Variants in KCNQ1 observed in about 807,000 individuals in gnomAD.
KCNQ1 encodes potassium voltage-gated channel subfamily Q member 1.
In KCNQ1, 49 loss-of-function variants were observed where a neutral mutation model predicts 72.4. That is an observed-to-expected ratio of 0.68 (90% CI 0.54 to 0.86). The LOEUF (loss-of-function observed/expected upper bound fraction) is 0.86, where lower values mean the gene tolerates loss of function less well. Ranked by LOEUF, KCNQ1 falls within the 40% of genes least tolerant of loss-of-function variation. The pLI is 0.00. For synonymous variants in KCNQ1, 450 were observed against 412.6 expected, an observed-to-expected ratio of 1.09 and a Z score of -1.10; for missense variants, 790 against 945.1, an observed-to-expected ratio of 0.84 and a Z score of 2.15.
chr11:2,539,956 A>G (rs559222739), intron 2 of KCNQ1, among the ~76,000 whole-genome samples: 2 of 152,314 alleles, frequency 1.3e-5, no homozygotes, highest in East Asian at 3.9e-4. Context: ...CTTGAAGCGC[A>G]GGGCAGCAGC....
chr11:2,832,585 C>T (rs550062423), intron 15 of KCNQ1, among the ~76,000 whole-genome samples: 45 of 152,304 alleles, frequency 3.0e-4, no homozygotes, highest in African/African-American at 1.1e-3. Context: ...CCAGTGCAGG[C>T]AAAGCGCCAA....
chr11:2,765,269 A>T (rs1298037538), intron 11 of KCNQ1, among the ~76,000 whole-genome samples: 2 of 152,148 alleles, frequency 1.3e-5, no homozygotes, highest in African/African-American at 4.8e-5. Flanking sequence ...TGGGTTATTT[A>T]GATTGTTTAA....
Position 2,671,708 on chromosome 11 carries a change from G to A in KCNQ1, c.1514+9627G>A. 1 of 398,764 alleles carries A rather than the reference G, an allele frequency of 2.5e-6. No homozygotes were observed. The highest frequency in any genetic ancestry group is 4.4e-6 in the Non-Finnish European group (1 of 226,134). 24.7% of individuals were successfully genotyped at this position (398,764 alleles called of 1,614,324 possible). ...CAAGGCAATAGAGGGTACTTGGGAA[G>A]TAGGGTGGTAGGCAAGGCTTTTCAG... On this transcript the variant is annotated intron_variant, in intron 11 of 15. Transcript: ENST00000155840. The surrounding 1 kb of genome is among the most constrained non-coding windows in gnomAD (Gnocchi z 4.7).
chr11:2,835,340 C>T (rs2134074204), intron 15 of KCNQ1, among the ~76,000 whole-genome samples: 2 of 152,242 alleles, frequency 1.3e-5, no homozygotes, highest in South Asian at 4.1e-4. Flanking sequence ...CCATATTCCT[C>T]ACACCCAGCA....
In KCNQ1 at chr11:2,603,082, A is replaced by G. The variant is rs569055785; in HGVS notation, c.1393+14228A>G. Among the ~76,000 whole-genome samples, 20 of 152,314 alleles carry G rather than the reference A, an allele frequency of 1.3e-4. No individual in the cohort carries two copies. Among genetic ancestry groups the G allele is most frequent in the African/African-American group, 4.6e-4 (19 of 41,570 alleles). ...TTCACCCATTTAAAGAATATAATTG[A>G]ATGGTTTTTAGTATAGGCATACCTC... On this transcript the variant is annotated intron_variant, in intron 10 of 15. Transcript: ENST00000155840. This position sits in a 1 kb window ranked among gnomAD's most constrained non-coding sequence, Gnocchi z 4.1.
Position 2,847,988 on chromosome 11 carries a change from C to A in KCNQ1, c.2016C>A (p.Pro672=). The A allele has an allele frequency of 1.9e-6, 3 of 1,546,056 alleles. No individual in the cohort carries two copies. Among genetic ancestry groups the A allele is most frequent in the African/African-American group, 2.7e-5 (2 of 73,504 alleles). ...AGCTGACCGTGCCCAGGAGGGGCCC[C>A]GATGAGGGGTCCTGAGGAGGGGATG... ...YEQLTVPRRG[P]DEGS The change falls in exon 16 of 16, where the codon CCC becomes CCA. Residue 672 remains proline (P), a synonymous_variant. Transcript: ENST00000155840.
In KCNQ1 at chr11:2,475,608, G is replaced by A. The variant is rs999633910; in HGVS notation, c.386+30124G>A. On this transcript the variant is annotated intron_variant, in intron 1 of 15. Coordinates refer to ENST00000155840, the MANE Select transcript of KCNQ1 (RefSeq NM_000218.3). The surrounding 1 kb of genome is among the most constrained non-coding windows in gnomAD (Gnocchi z 5.8). Reference sequence around the variant, plus strand: ...CAAGGAGGGCGATTCTAAATGGCTGGAGACATAGTCAGCTGTGAAGCTGTA... The same window carrying A: ...CAAGGAGGGCGATTCTAAATGGCTGAAGACATAGTCAGCTGTGAAGCTGTA... Among the ~76,000 whole-genome samples, 2 of 152,156 alleles carry A rather than the reference G, an allele frequency of 1.3e-5. No individual in the cohort carries two copies. Among genetic ancestry groups the A allele is most frequent in the East Asian group, 3.8e-4 (2 of 5,206 alleles).
intron 2 of KCNQ1, 80 bp from the exon 3 acceptor site, chr11:2,570,548 T>C: frequency 1.3e-6 from 2 of 1,589,108 alleles, no homozygotes; most frequent in Non-Finnish European, 1.7e-6. Context: ...CCAGCATGGC[T>C]GGGTTCAAAC....
intron 15 of KCNQ1, among the ~76,000 whole-genome samples, chr11:2,836,684 G>A (rs1263080896): frequency 1.3e-5 from 2 of 152,234 alleles, no homozygotes; most frequent in Non-Finnish European, 2.9e-5. Context: ...CTCCACAAGT[G>A]TGTCGCATGG....
Position 2,661,923 on chromosome 11 carries a change from G to A in KCNQ1, c.1394-38G>A, listed in dbSNP as rs763807746. On this transcript the variant is annotated intron_variant, in intron 10 of 15. Coordinates refer to ENST00000155840, the MANE Select transcript of KCNQ1 (RefSeq NM_000218.3). The surrounding 1 kb of genome is among the most constrained non-coding windows in gnomAD (Gnocchi z 5.9). The stretch of plus-strand genomic sequence containing the variant: ...GCTCCACAGCACTGGCAGGTTGGGT[G>A]GGAGGCCTAACGTGCTGTCCCCACA... 6.2e-7 allele frequency: 1 copy of A among 1,613,872 alleles called. No individual in the cohort carries two copies. The highest frequency in any genetic ancestry group is 8.5e-7 in the Non-Finnish European group (1 of 1,179,958).
chr11:2,524,709 G>A lies in KCNQ1; in HGVS notation c.387-3219G>A, dbSNP rs150854250. ...TCCAAGGCCTCAGGGTGAAGTCGAC[G>A]CTCGCTGCTGATTCCCTGCTGGACG... On this transcript the variant is annotated intron_variant, in intron 1 of 15. Coordinates refer to ENST00000155840, the MANE Select transcript of KCNQ1 (RefSeq NM_000218.3). Among the ~76,000 whole-genome samples, 571 of 152,292 alleles carry A rather than the reference G, an allele frequency of 3.7e-3. 10 individuals are homozygous for A. Among genetic ancestry groups the A allele is most frequent in the East Asian group, 0.016 (84 of 5,174 alleles).
At chr11:2,791,474 G>T (rs1454961502) in intron 15 of KCNQ1, among the ~76,000 whole-genome samples, 1 of 152,200 alleles carries the variant, frequency 6.6e-6, no homozygotes, top group Admixed American at 6.5e-5. Context: ...GCCCCCAGCC[G>T]GTTCTGCATA....
In KCNQ1 at chr11:2,536,232, A is replaced by G. The variant is rs1294450443; in HGVS notation, c.477+8214A>G. Among the ~76,000 whole-genome samples, 1 of 152,020 alleles carries G rather than the reference A, an allele frequency of 6.6e-6. No individual in the cohort carries two copies. The highest frequency in any genetic ancestry group is 1.9e-4 in the East Asian group (1 of 5,158). On this transcript the variant is annotated intron_variant, in intron 2 of 15. Transcript: ENST00000155840. This position sits in a 1 kb window ranked among gnomAD's most constrained non-coding sequence, Gnocchi z 7.4. ...TCCACGGTGTTAAGGGATTCTAGAA[A>G]TTTCCTGCTGTGCCAGGCTGCAGCA...
In KCNQ1 at chr11:2,468,240, T is replaced by G. The variant is rs1846382940; in HGVS notation, c.386+22756T>G. 2.6e-5 allele frequency among the ~76,000 whole-genome samples: 4 copies of G among 152,116 alleles called. No homozygotes were observed. In the South Asian group the frequency reaches 8.3e-4, roughly 32 times the overall value. ...TGGTTCACTGCAGCCTCGACCTCCC[T>G]GGCTCAAGAGATCCTCCCGCCTCAG... On this transcript the variant is annotated intron_variant, in intron 1 of 15. Transcript: ENST00000155840. This position sits in a 1 kb window ranked among gnomAD's most constrained non-coding sequence, Gnocchi z 5.7.
At position 2,661,854 on chromosome 11, in the gene KCNQ1, C is replaced by A; in HGVS notation, c.1394-107C>A. 2 of 1,412,912 alleles carry A rather than the reference C, an allele frequency of 1.4e-6. No homozygotes were observed. Among genetic ancestry groups the A allele is most frequent in the Non-Finnish European group, 2.0e-6 (2 of 1,001,556 alleles). The allele number at this position is 1,412,912 out of a possible 1,614,324, so 87.5% of individuals were successfully genotyped here. Reference sequence around the variant, plus strand: ...GATTGTCAGGGCTGGAGCTTCCAGGCACAAGCTCCACTCCTCACCTGGCCC... The same window carrying A: ...GATTGTCAGGGCTGGAGCTTCCAGGAACAAGCTCCACTCCTCACCTGGCCC... On this transcript the variant is annotated intron_variant, in intron 10 of 15. Coordinates refer to ENST00000155840, the MANE Select transcript of KCNQ1 (RefSeq NM_000218.3). The surrounding 1 kb of genome is among the most constrained non-coding windows in gnomAD (Gnocchi z 5.9).
chr11:2,743,748 C>T (rs188129195), intron 11 of KCNQ1, among the ~76,000 whole-genome samples: 6 of 152,374 alleles, frequency 3.9e-5, no homozygotes, highest in South Asian at 2.1e-4. Flanking sequence ...AACTGTGCTT[C>T]GTGACAGGCC....
Position 2,478,016 on chromosome 11 carries a change from G to C in KCNQ1, c.386+32532G>C, listed in dbSNP as rs1846597626. On this transcript the variant is annotated intron_variant, in intron 1 of 15. Coordinates refer to ENST00000155840, the MANE Select transcript of KCNQ1 (RefSeq NM_000218.3). The surrounding 1 kb of genome is among the most constrained non-coding windows in gnomAD (Gnocchi z 4.0). Reference sequence around the variant, plus strand: ...AAAGGAAAAAGAATCACTTTCTAGAGGCAAAGCTGGCGACACCACCCGAGC... The same window carrying C: ...AAAGGAAAAAGAATCACTTTCTAGACGCAAAGCTGGCGACACCACCCGAGC... Among the ~76,000 whole-genome samples the C allele has an allele frequency of 1.3e-5, 2 of 152,128 alleles. 1 individual carries two copies. The highest frequency in any genetic ancestry group is 4.2e-4 in the South Asian group (2 of 4,814).
chr11:2,723,755 GC>G lies in KCNQ1; in HGVS notation c.1515-45087del. On this transcript the variant is annotated intron_variant, in intron 11 of 15. Coordinates refer to ENST00000155840, the MANE Select transcript of KCNQ1 (RefSeq NM_000218.3). The surrounding 1 kb of genome is among the most constrained non-coding windows in gnomAD (Gnocchi z 4.2). The stretch of plus-strand genomic sequence containing the variant: ...AGCCTCTCCTCTACTAGCTAGTGGG[GC>G]CTCACTAACCGCTGGTGGCCGCAGG... Among the ~76,000 whole-genome samples the G allele has an allele frequency of 6.6e-6, 1 of 152,312 alleles. No individual in the cohort carries two copies. Among genetic ancestry groups the G allele is most frequent in the Admixed American group, 6.5e-5 (1 of 15,302 alleles).
chr11:2,665,186 T>G (rs1197801721), intron 11 of KCNQ1: 1 of 398,544 alleles, frequency 2.5e-6, no homozygotes, highest in East Asian at 3.6e-5. Context: ...GGACTCAGCC[T>G]CGAACACACC....
Sources: allele counts gnomAD v4.1 joint callset (sites outside exome capture counted in the v4.1 genomes callset), GRCh38; gene constraint gnomAD v4.1.1; non-coding constraint Gnocchi (gnomAD v3.1); transcripts MANE v1.5; gene names NCBI Gene and HGNC (gene_info 2026-07-23, HGNC 2026-07-21).